Variants in MKLN1 observed in about 807,000 individuals in gnomAD.
MKLN1 encodes the protein muskelin.
A neutral mutation model predicts 99.0 loss-of-function variants in MKLN1; 18 were observed. The ratio of observed to expected loss-of-function variants is 0.18; its 90% CI spans 0.13 to 0.27. The LOEUF (loss-of-function observed/expected upper bound fraction) is 0.27. MKLN1 is among the 10% of genes least tolerant of loss of function. MKLN1 has a pLI of 1.00. For synonymous variants in MKLN1, 288 were observed against 293.2 expected, an observed-to-expected ratio of 0.98 and a Z score of 0.18; for missense variants, 621 against 875.9, an observed-to-expected ratio of 0.71 and a Z score of 3.67.
At chr7:131,264,840 T>A (rs1293805008) in intron 3 of MKLN1, among the ~76,000 whole-genome samples, 2 of 151,702 alleles carry the variant, frequency 1.3e-5, no homozygotes, top group Non-Finnish European at 2.9e-5. Flanking sequence ...TATTCGGTAA[T>A]TTTTTTTGTT....
At chr7:131,332,605 C>T (rs770937538) in intron 1 of MKLN1, among the ~76,000 whole-genome samples, 1 of 151,386 alleles carries the variant, frequency 6.6e-6, no homozygotes, top group Non-Finnish European at 1.5e-5. Flanking sequence ...TACTAGTCAC[C>T]CTTTAAATAC....
chr7:131,400,224 C>T (rs978251150), intron 6 of MKLN1, among the ~76,000 whole-genome samples: 7 of 151,434 alleles, frequency 4.6e-5, no homozygotes, highest in African/African-American at 7.3e-5. Context: ...CTGTTATTAT[C>T]GTCTATTATT....
At chr7:131,214,015 C>T (rs899992486) in intron 3 of MKLN1, among the ~76,000 whole-genome samples, 1 of 152,066 alleles carries the variant, frequency 6.6e-6, no homozygotes, top group Non-Finnish European at 1.5e-5. Context: ...AAGGTGTAAA[C>T]ATAATGTCTT....
At position 131,437,840 on chromosome 7, in the gene MKLN1, A is replaced by G. The variant is rs1795719543; in HGVS notation, c.1016A>G (p.Gln339Arg). The stretch of plus-strand genomic sequence containing the variant: ...ATGTGCATTGATATTCAACGGAGGC[A>G]AATCTACACATTGGGGCGTTACTTG... The part of the protein sequence containing the change: ...HKMCIDIQRR[Q>R]IYTLGRYLDS... Residue 339 changes from glutamine (Q) to arginine (R), a missense_variant, in exon 10 of 18, where the codon CAA (glutamine) becomes CGA (arginine). Gln to Arg is a conservative substitution (Grantham distance 43). Coordinates refer to ENST00000352689, the MANE Select transcript of MKLN1 (RefSeq NM_013255.5). 4 of 1,613,554 alleles carry G rather than the reference A, an allele frequency of 2.5e-6. No individual in the cohort carries two copies. Among genetic ancestry groups the G allele is most frequent in the Non-Finnish European group, 3.4e-6 (4 of 1,179,810 alleles).
chr7:131,458,355 GA>G (rs1389488773), intron 12 of MKLN1, among the ~76,000 whole-genome samples: 2 of 152,180 alleles, frequency 1.3e-5, no homozygotes, highest in Admixed American at 1.3e-4. Flanking sequence ...AGGACTCAAT[GA>G]AAACTAAATC....
At chr7:131,190,672 T>C (rs1472716689) in intron 2 of MKLN1, among the ~76,000 whole-genome samples, 2 of 152,098 alleles carry the variant, frequency 1.3e-5, no homozygotes, top group Non-Finnish European at 2.9e-5. Flanking sequence ...ATGGGTATGG[T>C]TCAGGCTAGT....
At chr7:131,444,242 C>G (rs563532632) in intron 11 of MKLN1, among the ~76,000 whole-genome samples, 16 of 151,874 alleles carry the variant, frequency 1.1e-4, no homozygotes, top group African/African-American at 3.9e-4. Flanking sequence ...CCCAGCCTCC[C>G]AAGTAGCTGG....
At chr7:131,273,628 CTTT>C (rs369322456) in intron 3 of MKLN1, among the ~76,000 whole-genome samples, 12 of 140,446 alleles carry the variant, frequency 8.5e-5, no homozygotes, top group East Asian at 2.1e-4. Context: ...TTTTTTTTTC[CTTT>C]TTTTTTTTTT....
chr7:131,482,580 C>T (rs187190102), intron 17 of MKLN1, among the ~76,000 whole-genome samples: 19 of 152,156 alleles, frequency 1.2e-4, no homozygotes, highest in Admixed American at 3.3e-4. Context: ...AATCCAGCTA[C>T]GTGTAGGATG....
At chr7:131,133,564 G>GGA (rs1292376471) in intron 1 of MKLN1, among the ~76,000 whole-genome samples, 1 of 150,916 alleles carries the variant, frequency 6.6e-6, no homozygotes, top group Non-Finnish European at 1.5e-5. Flanking sequence ...ATGTTAGTCA[G>GGA]GATGGTCTCA....
chr7:131,428,575 C>A (rs190595079), intron 8 of MKLN1, among the ~76,000 whole-genome samples: 43 of 152,220 alleles, frequency 2.8e-4, no homozygotes, highest in African/African-American at 9.4e-4. Flanking sequence ...ACTATATATT[C>A]CTCTGGGGGT....
At chr7:131,297,171 C>A (rs1798302298) in intron 3 of MKLN1, among the ~76,000 whole-genome samples, 1 of 152,058 alleles carries the variant, frequency 6.6e-6, no homozygotes, top group African/African-American at 2.4e-5. Context: ...AACAGCCTAG[C>A]TAACACGGTG....
chr7:131,309,468 T>C (rs1044223045), intron 3 of MKLN1, among the ~76,000 whole-genome samples: 9 of 152,098 alleles, frequency 5.9e-5, no homozygotes, highest in Non-Finnish European at 1.3e-4. Flanking sequence ...TGGTGTGATC[T>C]TGGCTCACTG....
chr7:131,327,128 G>C (rs1029812720), upstream of MKLN1: 1 of 152,168 alleles, frequency 6.6e-6, no homozygotes, highest in Admixed American at 6.5e-5. Context: ...CTCTCTCTCT[G>C]AACTTTTAGG....
upstream of MKLN1, chr7:131,327,673 G>A (rs1323047933): frequency 6.1e-6 from 4 of 651,486 alleles, no homozygotes; most frequent in Non-Finnish European, 9.8e-6. Flanking sequence ...GGAAGGGCCT[G>A]GAAAGCGCTT....
intron 3 of MKLN1, among the ~76,000 whole-genome samples, chr7:131,275,568 T>TATATATATATATATA (rs1491144880): frequency 6.7e-5 from 1 of 14,826 alleles, no homozygotes; most frequent in Non-Finnish European, 1.1e-4. Context: ...TATATATATA[T>TATATATATATATATA]TTTTTTTTTT....
At chr7:131,357,312 T>C (rs1192116255) in intron 1 of MKLN1, among the ~76,000 whole-genome samples, 1 of 152,164 alleles carries the variant, frequency 6.6e-6, no homozygotes, top group Non-Finnish European at 1.5e-5. Context: ...GATGCCCCTC[T>C]ACTGGAGTTT....
chr7:131,445,750 C>CTT (rs748046772), intron 11 of MKLN1, 24 bp from the exon 12 acceptor site: 167 of 1,218,720 alleles, frequency 1.4e-4, no homozygotes, highest in South Asian at 4.8e-4. Flanking sequence ...TTACTCCTTT[C>CTT]TTTTTTTTTT....
chr7:131,296,166 G>T (rs772409504), intron 3 of MKLN1, among the ~76,000 whole-genome samples: 1 of 152,130 alleles, frequency 6.6e-6, no homozygotes, highest in Admixed American at 6.5e-5. Context: ...ATCCTACAGA[G>T]AGTCATACAA....
Sources: gnomAD v4.1 joint callset for allele counts (sites outside exome capture counted in the v4.1 genomes callset) on GRCh38, gnomAD v4.1.1 for gene constraint, MANE v1.5 for transcripts, NCBI Gene and HGNC (gene_info 2026-07-23, HGNC 2026-07-21) for gene names.